Variants in ROBO1 observed in about 807,000 individuals in gnomAD.
The protein encoded by ROBO1 is roundabout homolog 1.
In ROBO1, 149 loss-of-function variants were observed where a neutral mutation model predicts 195.9. The observed-to-expected ratio is 0.76, with a 90% CI of 0.67 to 0.87. The LOEUF (loss-of-function observed/expected upper bound fraction) is 0.87, where lower values mean the gene tolerates loss of function less well. Ranked by LOEUF, ROBO1 falls within the 40% of genes least tolerant of loss-of-function variation. The pLI, the probability that ROBO1 is intolerant of heterozygous loss-of-function variation, is 0.00. For missense variants in ROBO1, 1,933 were observed against 2,068.3 expected (o/e 0.93, Z 1.27); for synonymous variants, 816 against 733.2 (o/e 1.11, Z -1.82).
At position 78,780,111 on chromosome 3, in the gene ROBO1, T is replaced by G. The variant is rs529763466; in HGVS notation, c.500-33211A>C. On this transcript the variant is annotated intron_variant, in intron 4 of 30. Coordinates refer to ENST00000464233, the MANE Select transcript of ROBO1 (RefSeq NM_002941.4). Reference sequence around the variant, plus strand: ...CACACACCAGGGCCTGTTAGTGGGTTGGGGGCTTAGAAGAGGGATAGCATT... The same window carrying G: ...CACACACCAGGGCCTGTTAGTGGGTGGGGGGCTTAGAAGAGGGATAGCATT... 1.2e-4 allele frequency among the ~76,000 whole-genome samples: 18 copies of G among 152,002 alleles called. No individual in the cohort carries two copies. In the South Asian group the frequency reaches 3.5e-3, roughly 30 times the overall value.
intron 2 of ROBO1, among the ~76,000 whole-genome samples, chr3:79,498,226 ATC>A (rs1575919405): frequency 6.6e-6 from 1 of 152,148 alleles, no homozygotes; most frequent in Non-Finnish European, 1.5e-5. Context: ...ATTGTATTAT[ATC>A]TGTTATTTTT....
At chr3:78,687,493 G>A (rs1292811626) in intron 9 of ROBO1, among the ~76,000 whole-genome samples, 2 of 152,056 alleles carry the variant, frequency 1.3e-5, no homozygotes, top group African/African-American at 4.8e-5. Context: ...TTTTATAAGA[G>A]CACATTAGAA....
chr3:79,379,943 A>G (rs1438669899), intron 2 of ROBO1, among the ~76,000 whole-genome samples: 1 of 152,224 alleles, frequency 6.6e-6, no homozygotes, highest in Non-Finnish European at 1.5e-5. Context: ...CCTGTATTAT[A>G]TAACTATTTA....
intron 2 of ROBO1, among the ~76,000 whole-genome samples, chr3:79,203,701 G>C (rs1338623600): frequency 1.3e-5 from 2 of 152,058 alleles, no homozygotes; most frequent in Non-Finnish European, 2.9e-5. Context: ...AGTGAAACTG[G>C]TTTTCTTCTA....
intron 2 of ROBO1, among the ~76,000 whole-genome samples, chr3:79,575,907 T>C (rs1166434493): frequency 6.6e-6 from 1 of 151,950 alleles, no homozygotes; most frequent in African/African-American, 2.4e-5. Flanking sequence ...TGTCACTGTT[T>C]GAGTAGAACC....
intron 1 of ROBO1, among the ~76,000 whole-genome samples, chr3:79,736,958 C>A (rs1324319812): frequency 1.3e-5 from 2 of 152,178 alleles, no homozygotes; most frequent in Non-Finnish European, 2.9e-5. Context: ...CAATAGACTT[C>A]TTTGCTTCCA....
intron 2 of ROBO1, among the ~76,000 whole-genome samples, chr3:79,354,420 C>A (rs1013614574): frequency 5.3e-5 from 8 of 152,178 alleles, no homozygotes; most frequent in African/African-American, 1.9e-4. Flanking sequence ...GCCTAATTTA[C>A]CATGCCAACT....
intron 1 of ROBO1, among the ~76,000 whole-genome samples, chr3:79,733,985 T>C (rs1227021267): frequency 1.3e-5 from 2 of 149,390 alleles, no homozygotes; most frequent in Non-Finnish European, 3.0e-5. Context: ...GTTCACTCTC[T>C]CGCCCAGGCT....
At chr3:79,448,746 T>C (rs1336490133) in intron 2 of ROBO1, among the ~76,000 whole-genome samples, 1 of 152,194 alleles carries the variant, frequency 6.6e-6, no homozygotes, top group Admixed American at 6.5e-5. Flanking sequence ...TGTTATCATA[T>C]AATTAAGTTA....
chr3:79,721,041 C>T (rs1420331994), intron 1 of ROBO1, among the ~76,000 whole-genome samples: 1 of 152,150 alleles, frequency 6.6e-6, no homozygotes, highest in Non-Finnish European at 1.5e-5. Context: ...ATCCACCCGC[C>T]TTGGCCTCCC....
intron 8 of ROBO1, among the ~76,000 whole-genome samples, chr3:78,706,918 G>T (rs1452223492): frequency 6.6e-6 from 1 of 152,130 alleles, no homozygotes; most frequent in Non-Finnish European, 1.5e-5. Flanking sequence ...TCTGCAGGCT[G>T]CATTGCCAAC....
At chr3:79,755,696 T>A (rs1329137392) in intron 1 of ROBO1, among the ~76,000 whole-genome samples, 2 of 152,224 alleles carry the variant, frequency 1.3e-5, no homozygotes, top group African/African-American at 4.8e-5. Flanking sequence ...GACTGTGGCT[T>A]ATTTCCAGCA....
chr3:78,701,937 T>C (rs868709280), intron 8 of ROBO1, among the ~76,000 whole-genome samples: 2 of 152,222 alleles, frequency 1.3e-5, no homozygotes, highest in South Asian at 4.1e-4. Context: ...ACATTATTTA[T>C]CAAGTCATCA....
chr3:79,456,019 G>C (rs1382107265), intron 2 of ROBO1, among the ~76,000 whole-genome samples: 3 of 152,038 alleles, frequency 2.0e-5, no homozygotes, highest in South Asian at 2.1e-4. Context: ...TTGGTATTAA[G>C]CTTCTTATGC....
At chr3:78,713,783 T>C (rs1576001197) in intron 8 of ROBO1, among the ~76,000 whole-genome samples, 1 of 152,214 alleles carries the variant, frequency 6.6e-6, no homozygotes, top group Non-Finnish European at 1.5e-5. Flanking sequence ...CTTGGGCTCA[T>C]ACGATGCTAA....
chr3:78,679,395 T>C (rs2080830366), intron 10 of ROBO1, among the ~76,000 whole-genome samples: 1 of 152,186 alleles, frequency 6.6e-6, no homozygotes, highest in South Asian at 2.1e-4. Flanking sequence ...TGTCCCTGTT[T>C]GCAGATGACA....
At chr3:79,179,331 T>G (rs1440576979) in intron 2 of ROBO1, among the ~76,000 whole-genome samples, 1 of 152,212 alleles carries the variant, frequency 6.6e-6, no homozygotes, top group Non-Finnish European at 1.5e-5. Context: ...AATATTTAGC[T>G]AAGAGAATTG....
At chr3:79,674,162 C>G (rs1280066740) in intron 1 of ROBO1, among the ~76,000 whole-genome samples, 1 of 151,940 alleles carries the variant, frequency 6.6e-6, no homozygotes, top group Non-Finnish European at 1.5e-5. Flanking sequence ...CTATGATATT[C>G]AGATTAACAA....
intron 2 of ROBO1, among the ~76,000 whole-genome samples, chr3:79,174,690 C>A (rs1020270059): frequency 2.7e-5 from 4 of 148,882 alleles, no homozygotes; most frequent in African/African-American, 1.0e-4. Context: ...ACTGAAACCC[C>A]GTCTCTACTA....
Sources: allele counts gnomAD v4.1 joint callset (sites outside exome capture counted in the v4.1 genomes callset), GRCh38; gene constraint gnomAD v4.1.1; transcripts MANE v1.5; gene names NCBI Gene and HGNC (gene_info 2026-07-23, HGNC 2026-07-21).